ASB18: variants seen among roughly 807,000 people sequenced by gnomAD.
ASB18 encodes ankyrin repeat and SOCS box protein 18.
In ASB18, 33 loss-of-function variants were observed where a neutral mutation model predicts 33.4. That is an observed-to-expected ratio of 0.99 (90% CI 0.75 to 1.32). The LOEUF (loss-of-function observed/expected upper bound fraction) is 1.32. Among genes scored for constraint, ASB18 ranks in the 40% most tolerant of loss-of-function variants. ASB18 has a pLI of 0.00. For missense variants in ASB18, 694 were observed against 655.5 expected (o/e 1.06, Z -0.64); for synonymous variants, 295 against 307.6 (o/e 0.96, Z 0.43).
intron 3 of ASB18, among the ~76,000 whole-genome samples, chr2:236,224,657 C>T (rs575837172): frequency 6.6e-6 from 1 of 152,230 alleles, no homozygotes; most frequent in Non-Finnish European, 1.5e-5. Context: ...TCTGTGCAAC[C>T]TTACTGGCAT....
In ASB18 at chr2:236,229,577, C is replaced by T. The variant is rs965288456; in HGVS notation, c.596+8112G>A. The stretch of plus-strand genomic sequence containing the variant: ...AGAAAACTTGCCTGGCATGGTGGCT[C>T]ACACCTCTAATCCCAGCACTTTGAG... On this transcript the variant is annotated intron_variant, in intron 3 of 5. Coordinates refer to ENST00000409749, the MANE Select transcript of ASB18 (RefSeq NM_212556.4). The surrounding 1 kb of genome is among the most constrained non-coding windows in gnomAD (Gnocchi z 5.2). 2.0e-5 allele frequency among the ~76,000 whole-genome samples: 3 copies of T among 152,130 alleles called. No homozygotes were observed. The highest frequency in any genetic ancestry group is 4.8e-5 in the African/African-American group (2 of 41,430).
At position 236,194,920 on chromosome 2, in the gene ASB18, C is replaced by T. The variant is rs1317130921; in HGVS notation, c.1353G>A (p.Lys451=). 1 of 1,613,688 alleles carries T rather than the reference C, an allele frequency of 6.2e-7. No homozygotes were observed. The highest frequency in any genetic ancestry group is 8.5e-7 in the Non-Finnish European group (1 of 1,179,830). ...FDLIPLLPLP[K]PLQNYLLLEP... ...CCAAAAGTAGGTAATTCTGCAGGGG[C>T]TTTGGCAAGGGTAACAGGGGGATGA... The change falls in exon 6 of 6, where the codon AAG becomes AAA. Residue 451 remains lysine (K), a synonymous_variant. Coordinates refer to ENST00000409749, the MANE Select transcript of ASB18 (RefSeq NM_212556.4). The surrounding 1 kb of genome is among the most constrained non-coding windows in gnomAD (Gnocchi z 4.5).
At position 236,257,601 on chromosome 2, in the gene ASB18, A is replaced by G. The variant is rs2060698881; in HGVS notation, c.205+6540T>C. Among the ~76,000 whole-genome samples the G allele has an allele frequency of 6.6e-6, 1 of 152,208 alleles. No individual in the cohort carries two copies. Among genetic ancestry groups the G allele is most frequent in the South Asian group, 2.1e-4 (1 of 4,830 alleles). The stretch of plus-strand genomic sequence containing the variant: ...CATGTCAGATTAAAGGGTTGTAGAC[A>G]GCTTCACTGGGAAGTTTTTTCAGGG... On this transcript the variant is annotated intron_variant, in intron 1 of 5. Transcript: ENST00000409749. This position sits in a 1 kb window ranked among gnomAD's most constrained non-coding sequence, Gnocchi z 5.5.
rs1017064855 is a variant in ASB18, at chr2:236,234,236, C to A, written c.596+3453G>T. Among the ~76,000 whole-genome samples the A allele has an allele frequency of 5.3e-5, 8 of 152,164 alleles. No individual in the cohort carries two copies. The highest frequency in any genetic ancestry group is 1.9e-4 in the African/African-American group (8 of 41,438). On this transcript the variant is annotated intron_variant, in intron 3 of 5. Coordinates refer to ENST00000409749, the MANE Select transcript of ASB18 (RefSeq NM_212556.4). The surrounding 1 kb of genome is among the most constrained non-coding windows in gnomAD (Gnocchi z 4.1). ...GGAGTTGCTATAAGACCCTTGCCCC[C>A]TCCCCTGGCTATGTCCCCTAGGAGG...
rs1377226762 is a variant in ASB18, at chr2:236,213,598, A to G, written c.1101+764T>C. ...TTACTCCAGCCAATATTTTGGAAAC[A>G]TTTTCAGTCTTTTGGGTTATTTTCT... On this transcript the variant is annotated intron_variant, in intron 4 of 5. Transcript: ENST00000409749. This position sits in a 1 kb window ranked among gnomAD's most constrained non-coding sequence, Gnocchi z 4.8. The G allele has an allele frequency of 6.6e-6, 1 of 152,158 alleles. No individual in the cohort carries two copies. The highest frequency in any genetic ancestry group is 6.5e-5 in the Admixed American group (1 of 15,280). The allele number at this position is 152,158 out of a possible 1,614,324, so 9.4% of individuals were successfully genotyped here. A position where few individuals can be genotyped will look rare whatever the true frequency, so the allele number is the denominator to read the frequency against.
rs534223166 is a variant in ASB18, at chr2:236,213,181, C to T, written c.1101+1181G>A. 1.4e-5 allele frequency among the ~76,000 whole-genome samples: 2 copies of T among 146,846 alleles called. No individual in the cohort carries two copies. Among genetic ancestry groups the T allele is most frequent in the African/African-American group, 4.9e-5 (2 of 40,460 alleles). On this transcript the variant is annotated intron_variant, in intron 4 of 5. Coordinates refer to ENST00000409749, the MANE Select transcript of ASB18 (RefSeq NM_212556.4). The surrounding 1 kb of genome is among the most constrained non-coding windows in gnomAD (Gnocchi z 4.8). Reference sequence around the variant, plus strand: ...TATTGAAATCATTGCCTTAGTGGAGCACCACAAGACAATTACCCAAAGAGG... The same window carrying T: ...TATTGAAATCATTGCCTTAGTGGAGTACCACAAGACAATTACCCAAAGAGG...
rs2060450344 is a variant in ASB18 at position 236,209,706 on chromosome 2, C to G, written c.1101+4656G>C. 6.6e-6 allele frequency among the ~76,000 whole-genome samples: 1 copy of G among 152,234 alleles called. No homozygotes were observed. The highest frequency in any genetic ancestry group is 6.5e-5 in the Admixed American group (1 of 15,284). ...CGTCGAGCTTAGAAATTCCAAAATA[C>G]TGATTGGATGATGTCATCTCCTTCC... On this transcript the variant is annotated intron_variant, in intron 4 of 5. Transcript: ENST00000409749. The surrounding 1 kb of genome is among the most constrained non-coding windows in gnomAD (Gnocchi z 4.4).
intron 1 of ASB18, among the ~76,000 whole-genome samples, chr2:236,242,129 A>G (rs576108139): frequency 2.0e-5 from 3 of 152,204 alleles, no homozygotes; most frequent in African/African-American, 7.2e-5. Context: ...TAACAACCAC[A>G]TGAAGGAAAT....
At position 236,239,360 on chromosome 2, in the gene ASB18, A is replaced by G. The variant is rs1458505633; in HGVS notation, c.329-1404T>C. Among the ~76,000 whole-genome samples, 2 of 144,964 alleles carry G rather than the reference A, an allele frequency of 1.4e-5. 1 individual carries two copies. Among genetic ancestry groups the G allele is most frequent in the East Asian group, 4.6e-4 (2 of 4,302 alleles). On this transcript the variant is annotated intron_variant, in intron 2 of 5. Coordinates refer to ENST00000409749, the MANE Select transcript of ASB18 (RefSeq NM_212556.4). The surrounding 1 kb of genome is among the most constrained non-coding windows in gnomAD (Gnocchi z 5.6). ...TCTCAGGGACTGATGGGGAGAAGCC[A>G]TAGGTGGGGATCTAGCTCAGCCACA... is the stretch of plus-strand genomic sequence containing the variant.
At chr2:236,210,429 CTA>C (rs1282470236) in intron 4 of ASB18, 3 of 152,236 alleles carry the variant, frequency 2.0e-5, no homozygotes, top group Non-Finnish European at 4.4e-5. Context: ...GTTTCTGCAT[CTA>C]TGAGTTTCTC....
chr2:236,261,187 T>C (rs997044761), intron 1 of ASB18, among the ~76,000 whole-genome samples: 1 of 152,196 alleles, frequency 6.6e-6, no homozygotes, highest in African/African-American at 2.4e-5. Context: ...AATGAGGAAA[T>C]TAAGGTTCAA....
intron 1 of ASB18, among the ~76,000 whole-genome samples, chr2:236,242,020 A>G (rs533523250): frequency 7.9e-5 from 12 of 152,320 alleles, no homozygotes; most frequent in African/African-American, 2.2e-4. Flanking sequence ...TCTGGAAATA[A>G]AAGTCTTATG....
chr2:236,206,062 T>G (rs1241411951), intron 4 of ASB18, among the ~76,000 whole-genome samples: 3 of 152,210 alleles, frequency 2.0e-5, no homozygotes, highest in African/African-American at 7.2e-5. Flanking sequence ...CAGCTAAGTT[T>G]TCTTCTATTA....
In ASB18 at chr2:236,221,297, G is replaced by T. The variant is rs1292701917; in HGVS notation, c.597-6431C>A. On this transcript the variant is annotated intron_variant, in intron 3 of 5. Coordinates refer to ENST00000409749, the MANE Select transcript of ASB18 (RefSeq NM_212556.4). The surrounding 1 kb of genome is among the most constrained non-coding windows in gnomAD (Gnocchi z 5.6). The stretch of plus-strand genomic sequence containing the variant: ...ATTCAAGACTCAAACGTCACCTTTT[G>T]TGTGTGAGTGGGGAAAGGGACATTG... Among the ~76,000 whole-genome samples the T allele has an allele frequency of 1.3e-5, 2 of 152,200 alleles. No homozygotes were observed. Among genetic ancestry groups the T allele is most frequent in the African/African-American group, 4.8e-5 (2 of 41,458 alleles).
Position 236,243,364 on chromosome 2 carries a change from A to C in ASB18, c.206-1962T>G, listed in dbSNP as rs77950302. On this transcript the variant is annotated intron_variant, in intron 1 of 5. Coordinates refer to ENST00000409749, the MANE Select transcript of ASB18 (RefSeq NM_212556.4). ...AAAAAAAAGAGTAATTACTACCTGA[A>C]ATAAGTGAAGCTTGTCTTTCTCGGT... Among the ~76,000 whole-genome samples, 1,118 of 151,962 alleles carry C rather than the reference A, an allele frequency of 7.4e-3. 20 individuals are homozygous for C. The highest frequency in any genetic ancestry group is 0.026 in the African/African-American group (1,065 of 41,394).
At position 236,217,421 on chromosome 2, in the gene ASB18, A is replaced by AT. The variant is rs747403507; in HGVS notation, c.597-2556_597-2555insA. On this transcript the variant is annotated intron_variant, in intron 3 of 5. Transcript: ENST00000409749. This position sits in a 1 kb window ranked among gnomAD's most constrained non-coding sequence, Gnocchi z 5.2. ...GAGCGAGACTCTGTCTCAAAAAAAA[A>AT]AAAAAATAAATCTTGGCACCTTCAA... Among the ~76,000 whole-genome samples, 53 of 106,760 alleles carry AT rather than the reference A, an allele frequency of 5.0e-4. No individual in the cohort carries two copies. Among genetic ancestry groups the AT allele is most frequent in the African/African-American group, 1.6e-3 (28 of 17,712 alleles). 70.0% of individuals were successfully genotyped at this position (106,760 alleles called of 152,430 possible). A position where few individuals can be genotyped will look rare whatever the true frequency, so the allele number is the denominator to read the frequency against.
At chr2:236,232,493 T>C (rs1027147279) in intron 3 of ASB18, among the ~76,000 whole-genome samples, 1 of 151,276 alleles carries the variant, frequency 6.6e-6, no homozygotes, top group Non-Finnish European at 1.5e-5. Flanking sequence ...TAATAGAGAG[T>C]ATAGTGGAAA....
In ASB18 at chr2:236,225,142, G is replaced by C. The variant is rs888622954; in HGVS notation, c.597-10276C>G. 6.6e-6 allele frequency among the ~76,000 whole-genome samples: 1 copy of C among 151,868 alleles called. No individual in the cohort carries two copies. Among genetic ancestry groups the C allele is most frequent in the African/African-American group, 2.4e-5 (1 of 41,314 alleles). ...TTTAATTTATTTTTTGTTTTTTTAA[G>C]ACAGAGTCTCACTCTGTCACTCAGG... On this transcript the variant is annotated intron_variant, in intron 3 of 5. Transcript: ENST00000409749. This position sits in a 1 kb window ranked among gnomAD's most constrained non-coding sequence, Gnocchi z 5.1.
At chr2:236,232,794 A>G (rs1240525682) in intron 3 of ASB18, among the ~76,000 whole-genome samples, 1 of 152,136 alleles carries the variant, frequency 6.6e-6, no homozygotes, top group Non-Finnish European at 1.5e-5. Flanking sequence ...ATTCATAGTT[A>G]AAAACCTTAT....
Sources: gnomAD v4.1 joint callset for allele counts (sites outside exome capture counted in the v4.1 genomes callset) on GRCh38, gnomAD v4.1.1 for gene constraint, Gnocchi (gnomAD v3.1) non-coding constraint, MANE v1.5 for transcripts, NCBI Gene and HGNC (gene_info 2026-07-23, HGNC 2026-07-21) for gene names.